Variants in ROBO2 observed in about 807,000 individuals in gnomAD.
ROBO2 encodes roundabout homolog 2.
In ROBO2, 53 loss-of-function variants were observed where a neutral mutation model predicts 160.8. The ratio of observed to expected loss-of-function variants is 0.33; its 90% CI spans 0.26 to 0.41. ROBO2 has a LOEUF of 0.41. Ranked by LOEUF, ROBO2 falls within the 10% of genes least tolerant of loss-of-function variation. The pLI, the probability that ROBO2 is intolerant of heterozygous loss-of-function variation, is 1.00. For synonymous variants in ROBO2, 664 were observed against 611.7 expected, an observed-to-expected ratio of 1.09 and a Z score of -1.26; for missense variants, 1,577 against 1,722.4, an observed-to-expected ratio of 0.92 and a Z score of 1.49.
At chr3:77,335,277 C>G (rs892477985) in intron 2 of ROBO2, among the ~76,000 whole-genome samples, 3 of 152,078 alleles carry the variant, frequency 2.0e-5, no homozygotes, top group African/African-American at 7.2e-5. Flanking sequence ...CACGCTGATG[C>G]ATACTTGTAA....
intron 2 of ROBO2, among the ~76,000 whole-genome samples, chr3:76,064,157 C>T (rs552268885): frequency 6.6e-6 from 1 of 152,268 alleles, no homozygotes; most frequent in Non-Finnish European, 1.5e-5. Flanking sequence ...TGATTTTAGC[C>T]TCGTGAGACC....
At chr3:77,514,477 C>T (rs1463502586) in intron 5 of ROBO2, among the ~76,000 whole-genome samples, 1 of 151,758 alleles carries the variant, frequency 6.6e-6, no homozygotes, top group Non-Finnish European at 1.5e-5. Context: ...TAAACACACA[C>T]ATCCAATAGA....
At chr3:76,996,622 T>A (rs2061025582) in intron 2 of ROBO2, among the ~76,000 whole-genome samples, 1 of 152,154 alleles carries the variant, frequency 6.6e-6, no homozygotes, top group Non-Finnish European at 1.5e-5. Flanking sequence ...TCCTCTTTTT[T>A]TCATTGAGCA....
At chr3:76,605,146 G>T (rs2087543701) in intron 2 of ROBO2, among the ~76,000 whole-genome samples, 1 of 152,106 alleles carries the variant, frequency 6.6e-6, no homozygotes, top group Non-Finnish European at 1.5e-5. Context: ...ATAACTTGTT[G>T]AATGGCTATG....
At chr3:77,197,576 A>ACCG (rs2082418438) in intron 2 of ROBO2, among the ~76,000 whole-genome samples, 1 of 152,232 alleles carries the variant, frequency 6.6e-6, no homozygotes, top group Non-Finnish European at 1.5e-5. Context: ...TGATTTGAAC[A>ACCG]CTGCTGACCT....
intron 2 of ROBO2, among the ~76,000 whole-genome samples, chr3:77,363,540 G>T (rs1476729214): frequency 6.6e-6 from 1 of 152,142 alleles, no homozygotes; most frequent in African/African-American, 2.4e-5. Flanking sequence ...AAGACCCAAA[G>T]ATGTAGGGAA....
intron 2 of ROBO2, among the ~76,000 whole-genome samples, chr3:76,199,158 T>C (rs1702399760): frequency 6.6e-6 from 1 of 152,132 alleles, no homozygotes; most frequent in Non-Finnish European, 1.5e-5. Context: ...CACCCAAGCA[T>C]TCACATCCAT....
rs773605124 is a variant in ROBO2 at position 77,090,510 on chromosome 3, GC to G, written c.62-7501del. ...CTGGGACGACAGGCGCCACCACCAC[GC>G]CCGGCTAACTTTTTTTGTATTTTTA... is the stretch of plus-strand genomic sequence containing the variant. On this transcript the variant is annotated intron_variant, in intron 1 of 25. Coordinates refer to ENST00000461745, the Ensembl canonical transcript of ROBO2. Among the ~76,000 whole-genome samples, 10 of 151,430 alleles carry G rather than the reference GC, an allele frequency of 6.6e-5. No individual in the cohort carries two copies. The East Asian group carries it at 1.8e-3, about 27-fold the overall frequency.
At chr3:77,482,165 T>C (rs2084778385) in intron 4 of ROBO2, among the ~76,000 whole-genome samples, 1 of 147,730 alleles carries the variant, frequency 6.8e-6, no homozygotes, top group Non-Finnish European at 1.5e-5. Flanking sequence ...CTATAGCAGA[T>C]ATTATGTGAT....
intron 2 of ROBO2, among the ~76,000 whole-genome samples, chr3:76,468,381 A>C (rs1265209335): frequency 1.3e-5 from 2 of 152,102 alleles, no homozygotes; most frequent in East Asian, 3.9e-4. Flanking sequence ...TTTCACCTGG[A>C]ACCTTTCTAT....
chr3:77,351,249 G>C (rs2068296941), intron 2 of ROBO2, among the ~76,000 whole-genome samples: 1 of 152,030 alleles, frequency 6.6e-6, no homozygotes. Context: ...GGAAAAAAAA[G>C]AGCGACATAA....
At chr3:76,620,091 T>C (rs1037246308) in intron 2 of ROBO2, among the ~76,000 whole-genome samples, 1 of 152,202 alleles carries the variant, frequency 6.6e-6, no homozygotes, top group Non-Finnish European at 1.5e-5. Context: ...AGTGAACTTA[T>C]CTAAATGAAA....
chr3:77,386,012 A>G (rs183628151), intron 2 of ROBO2, among the ~76,000 whole-genome samples: 2 of 152,268 alleles, frequency 1.3e-5, no homozygotes, highest in East Asian at 1.9e-4. Flanking sequence ...AATGATATTT[A>G]TGTTTTACTA....
chr3:76,310,503 G>C (rs1184256744), intron 2 of ROBO2, among the ~76,000 whole-genome samples: 1 of 152,048 alleles, frequency 6.6e-6, no homozygotes, highest in Non-Finnish European at 1.5e-5. Flanking sequence ...TTTTATTGCT[G>C]GGGAGAAAAA....
intron 2 of ROBO2, among the ~76,000 whole-genome samples, chr3:76,013,756 GGCA>G: frequency 2.0e-5 from 3 of 150,750 alleles, no homozygotes; most frequent in African/African-American, 7.3e-5. Flanking sequence ...TTGGCAACTG[GGCA>G]CGGTGGTCTA....
Position 76,503,774 on chromosome 3 carries a change from C to T in ROBO2, c.109+566172C>T, listed in dbSNP as rs1275241107. ...AAGATCATGAAAACAGAGAGTCAAACGGTGATTAGTGGATGGTGGGAGGTG... is the reference window on the plus strand; with the variant it reads ...AAGATCATGAAAACAGAGAGTCAAATGGTGATTAGTGGATGGTGGGAGGTG... On this transcript the variant is annotated intron_variant, in intron 2 of 26. Coordinates refer to the ROBO2 transcript ENST00000487694. Among the ~76,000 whole-genome samples, 4 of 152,148 alleles carry T rather than the reference C, an allele frequency of 2.6e-5. No homozygotes were observed. The East Asian group carries it at 7.7e-4, about 29-fold the overall frequency.
At chr3:76,001,575 T>C (rs1326325555) in intron 2 of ROBO2, among the ~76,000 whole-genome samples, 5 of 152,132 alleles carry the variant, frequency 3.3e-5, no homozygotes, top group African/African-American at 1.2e-4. Flanking sequence ...TCTCAGGCTG[T>C]CACCCAGGCT....
chr3:76,708,581 T>A (rs1242054176), intron 2 of ROBO2, among the ~76,000 whole-genome samples: 3 of 152,196 alleles, frequency 2.0e-5, no homozygotes, highest in Non-Finnish European at 4.4e-5. Context: ...CGTCACTGCA[T>A]CAGGTATTAA....
chr3:77,391,713 C>A (rs529240588), intron 2 of ROBO2, among the ~76,000 whole-genome samples: 6 of 151,884 alleles, frequency 4.0e-5, no homozygotes, highest in Non-Finnish European at 8.8e-5. Context: ...ATGAAAAACA[C>A]CAGATAATTT....
Sources: gnomAD v4.1 joint callset for allele counts (sites outside exome capture counted in the v4.1 genomes callset) on GRCh38, gnomAD v4.1.1 for gene constraint, MANE v1.5 for transcripts, NCBI Gene and HGNC (gene_info 2026-07-23, HGNC 2026-07-21) for gene names.